Variants in IL6R observed in about 807,000 individuals in gnomAD.
IL6R encodes interleukin-6 receptor subunit alpha.
In IL6R, 38 loss-of-function variants were observed where a neutral mutation model predicts 48.3. That is an observed-to-expected ratio of 0.79 (90% CI 0.61 to 1.03). The LOEUF is 1.03. Ranked by LOEUF, IL6R falls within the 50% of genes least tolerant of loss-of-function variation. The pLI is 0.00. For missense variants in IL6R, 534 were observed against 618.3 expected, an observed-to-expected ratio of 0.86 and a Z score of 1.45; for synonymous variants, 264 against 256.2, an observed-to-expected ratio of 1.03 and a Z score of -0.29.
rs774533163 is a variant in IL6R at position 154,429,405 on chromosome 1, G to C, written c.295G>C (p.Ala99Pro). ...CTCTGGAAACTATTCATGCTACCGG[G>C]CCGGCCGCCCAGCTGGGACTGTGCA... is the stretch of plus-strand genomic sequence containing the variant. The part of the protein sequence containing the change: ...HDSGNYSCYR[A>P]GRPAGTVHLL... Residue 99 changes from alanine to proline, a missense_variant, in exon 2 of 10, where the codon GCC (alanine) becomes CCC (proline). Transcript: ENST00000368485. 1.9e-6 allele frequency: 3 copies of C among 1,613,850 alleles called. No homozygotes were observed. Among genetic ancestry groups the C allele is most frequent in the Non-Finnish European group, 2.5e-6 (3 of 1,179,802 alleles).
At position 154,458,261 on chromosome 1, in the gene IL6R, T is replaced by C. The variant is rs993200597; in HGVS notation, c.1160+3680T>C. ...CTGGGATTACAGGCGTGAGCCACCG[T>C]GCCCGGCCTTCACTTTGCTTTTTCA... is the stretch of plus-strand genomic sequence containing the variant. On this transcript the variant is annotated intron_variant, in intron 9 of 9. Coordinates refer to ENST00000368485, the MANE Select transcript of IL6R (RefSeq NM_000565.4). Among the ~76,000 whole-genome samples the C allele has an allele frequency of 2.0e-5, 3 of 152,236 alleles. No individual in the cohort carries two copies. In the South Asian group the frequency reaches 6.2e-4, roughly 32 times the overall value.
chr1:154,436,214 G>T (rs1689621455), intron 6 of IL6R, 104 bp downstream of exon 6: 5 of 1,320,492 alleles, frequency 3.8e-6, no homozygotes, highest in Non-Finnish European at 5.2e-6. Flanking sequence ...GCTTAGGCCA[G>T]GTGTGGTGGC....
At chr1:154,440,256 A>G (rs1284215031) in intron 6 of IL6R, among the ~76,000 whole-genome samples, 2 of 152,208 alleles carry the variant, frequency 1.3e-5, no homozygotes, top group Non-Finnish European at 2.9e-5. Context: ...TTAAGGCTGA[A>G]TAATATTCCA....
chr1:154,442,500 G>A (rs1324016515), intron 6 of IL6R, among the ~76,000 whole-genome samples: 1 of 152,180 alleles, frequency 6.6e-6, no homozygotes, highest in Non-Finnish European at 1.5e-5. Flanking sequence ...GGCCCCTGTA[G>A]GAGTGGAAGT....
intron 7 of IL6R, among the ~76,000 whole-genome samples, chr1:154,449,134 A>G (rs1452460381): frequency 2.1e-5 from 3 of 145,864 alleles, no homozygotes; most frequent in Non-Finnish European, 4.6e-5. Context: ...TGACCTCATG[A>G]TCCACCCGCC....
chr1:154,451,917 T>C (rs963376549), intron 8 of IL6R, among the ~76,000 whole-genome samples: 12 of 152,146 alleles, frequency 7.9e-5, no homozygotes, highest in Admixed American at 5.9e-4. Flanking sequence ...CTTCTCCATC[T>C]TCCCTATCTC....
chr1:154,465,047 C>A, intron 9 of IL6R, 87 bp from the exon 10 acceptor site: 3 of 1,531,490 alleles, frequency 2.0e-6, no homozygotes, highest in Non-Finnish European at 2.7e-6. Flanking sequence ...GCCACCAGGG[C>A]AGCCAGCTGT....
At chr1:154,431,154 G>T (rs1009261541) in intron 3 of IL6R, among the ~76,000 whole-genome samples, 3 of 152,144 alleles carry the variant, frequency 2.0e-5, no homozygotes, top group Admixed American at 6.5e-5. Flanking sequence ...TTGGGGCCGT[G>T]GGGGGAGAAG....
At position 154,405,560 on chromosome 1, in the gene IL6R, C is replaced by A. The variant is rs947512905; in HGVS notation, c.-70C>A. On this transcript the variant is annotated 5_prime_UTR_variant, in exon 1 of 10. Transcript: ENST00000368485. The surrounding 1 kb of genome is among the most constrained non-coding windows in gnomAD (Gnocchi z 5.2). ...CCACCGCCCCGCCCCGCCCCTGCCA[C>A]CCCTGCCGCCCGGTTCCCATTAGCC... 1.7e-5 allele frequency: 18 copies of A among 1,089,262 alleles called. No individual in the cohort carries two copies. In the East Asian group the frequency reaches 2.1e-4, roughly 13 times the overall value. The allele number at this position is 1,089,262 out of a possible 1,614,324, so 67.5% of individuals were successfully genotyped here.
chr1:154,423,386 G>A lies in IL6R; in HGVS notation c.86-5810G>A, dbSNP rs181954123. On this transcript the variant is annotated intron_variant, in intron 1 of 9. Transcript: ENST00000368485. ...ATCACCTCTAACACCATCATTTGGA[G>A]AGGAGGGCAGAGGTAGGGAGAGGAC... 7.0e-3 allele frequency among the ~76,000 whole-genome samples: 1,053 copies of A among 151,256 alleles called. 9 individuals carry two copies. The highest frequency in any genetic ancestry group is 8.5e-3 in the Non-Finnish European group (578 of 67,852).
rs1293877353 is a variant in IL6R, at chr1:154,465,977, G to A, written c.*597G>A. 1 of 155,780 alleles carries A rather than the reference G, an allele frequency of 6.4e-6. No individual in the cohort carries two copies. The highest frequency in any genetic ancestry group is 1.4e-5 in the Non-Finnish European group (1 of 69,970). 9.6% of individuals were successfully genotyped at this position (155,780 alleles called of 1,614,324 possible). A position where few individuals can be genotyped will look rare whatever the true frequency, so the allele number is the denominator to read the frequency against. On this transcript the variant is annotated 3_prime_UTR_variant, in exon 10 of 10. Transcript: ENST00000368485. ...CCCTACAGTTGAAAAACAGCTGAGG[G>A]TGAGTGGGTGAATAATACAGTATCT...
At chr1:154,410,785 C>T (rs55886061) in intron 1 of IL6R, among the ~76,000 whole-genome samples, 3,046 of 152,282 alleles carry the variant, frequency 0.02, 45 homozygotes, top group East Asian at 0.046. Context: ...CTATTCTCCC[C>T]AGCACCTGTT....
At chr1:154,413,375 C>T (rs575656638) in intron 1 of IL6R, among the ~76,000 whole-genome samples, 32 of 152,372 alleles carry the variant, frequency 2.1e-4, no homozygotes, top group Admixed American at 1.9e-3. Context: ...AATAACTTTG[C>T]ATATGCCTCT....
At chr1:154,420,925 TGACCA>T (rs1181749939) in intron 1 of IL6R, among the ~76,000 whole-genome samples, 2 of 152,184 alleles carry the variant, frequency 1.3e-5, no homozygotes, top group African/African-American at 4.8e-5. Flanking sequence ...GTGATTAAAC[TGACCA>T]GACCAGACCA....
chr1:154,418,611 C>T (rs1046076622), intron 1 of IL6R, among the ~76,000 whole-genome samples: 1 of 152,148 alleles, frequency 6.6e-6, no homozygotes, highest in Non-Finnish European at 1.5e-5. Flanking sequence ...AGCCTGGGAG[C>T]CTTGACTTGC....
intron 7 of IL6R, among the ~76,000 whole-genome samples, chr1:154,449,027 G>A (rs1440974654): frequency 1.3e-5 from 2 of 148,504 alleles, no homozygotes; most frequent in Non-Finnish European, 3.0e-5. Context: ...CCGAGTAGCT[G>A]GGACTACAGG....
At chr1:154,452,804 C>T (rs1285342277) in intron 8 of IL6R, among the ~76,000 whole-genome samples, 1 of 150,212 alleles carries the variant, frequency 6.7e-6, no homozygotes, top group East Asian at 2.0e-4. Flanking sequence ...GAGCAAGACT[C>T]CGTCTCAAAA....
intron 6 of IL6R, among the ~76,000 whole-genome samples, chr1:154,446,180 C>T (rs1690217336): frequency 6.6e-6 from 1 of 152,152 alleles, no homozygotes; most frequent in Non-Finnish European, 1.5e-5. Flanking sequence ...GGGAAGAACG[C>T]AAAGGAACAA....
chr1:154,405,725 C>T lies in IL6R; in HGVS notation c.85+11C>T, dbSNP rs912630482. 5 of 1,479,554 alleles carry T rather than the reference C, an allele frequency of 3.4e-6. No homozygotes were observed. Among genetic ancestry groups the T allele is most frequent in the Non-Finnish European group, 4.4e-6 (5 of 1,124,676 alleles). The allele number at this position is 1,479,554 out of a possible 1,614,324, so 91.7% of individuals were successfully genotyped here. On this transcript the variant is annotated intron_variant, in intron 1 of 9. Transcript: ENST00000368485. This position sits in a 1 kb window ranked among gnomAD's most constrained non-coding sequence, Gnocchi z 5.2. ...GCTGCCCTGCGCAGGGTAAGGGCTT[C>T]GGGCGCACCTGGAGGGCTGGGGCAG...
Sources: allele counts gnomAD v4.1 joint callset (sites outside exome capture counted in the v4.1 genomes callset), GRCh38; gene constraint gnomAD v4.1.1; non-coding constraint Gnocchi (gnomAD v3.1); transcripts MANE v1.5; gene names NCBI Gene and HGNC (gene_info 2026-07-23, HGNC 2026-07-21).